COL4A3: variants seen among roughly 807,000 people sequenced by gnomAD.
COL4A3 encodes the protein collagen type IV alpha 3 chain, also known as collagen alpha-3(IV) chain.
Under a neutral mutation model 217.4 loss-of-function variants are expected in COL4A3, and 135 were observed. That is an observed-to-expected ratio of 0.62 (90% CI 0.54 to 0.72). The LOEUF is 0.72. Ranked by LOEUF, COL4A3 falls within the 30% of genes least tolerant of loss-of-function variation. The pLI, the probability that COL4A3 is intolerant of heterozygous loss-of-function variation, is 0.00. For missense variants in COL4A3, 1,868 were observed against 2,119.9 expected (o/e 0.88, Z 2.33); for synonymous variants, 690 against 736.3 (o/e 0.94, Z 1.02).
intron 37 of COL4A3, among the ~76,000 whole-genome samples, chr2:227,291,345 C>T (rs1360195204): frequency 2.6e-5 from 4 of 151,886 alleles, no homozygotes; most frequent in Admixed American, 6.6e-5. Context: ...GGGCGGATCA[C>T]GAGGTCAGGA....
In COL4A3 at chr2:227,282,297, T is replaced by TAC. The variant is rs1248731903; in HGVS notation, c.2489-67_2489-66insCA. On this transcript the variant is annotated intron_variant, in intron 31 of 51. Transcript: ENST00000396578. This position sits in a 1 kb window ranked among gnomAD's most constrained non-coding sequence, Gnocchi z 4.4. ...AAAAATATATATATATATATATATA[T>TAC]ATATTTCTGAAGTTAGTAGGGGAAA... The TAC allele has an allele frequency of 2.5e-6, 2 of 791,920 alleles. No individual in the cohort carries two copies. The highest frequency in any genetic ancestry group is 3.7e-5 in the African/African-American group (2 of 53,494). The allele number at this position is 791,920 out of a possible 1,614,324, so 49.1% of individuals were successfully genotyped here.
chr2:227,192,104 C>G (rs72975949), intron 1 of COL4A3, among the ~76,000 whole-genome samples: 1 of 152,308 alleles, frequency 6.6e-6, no homozygotes, highest in African/African-American at 2.4e-5. Context: ...TTTTATCTCT[C>G]TTTGCTTTTG....
chr2:227,190,943 A>G (rs1181659349), intron 1 of COL4A3, among the ~76,000 whole-genome samples: 1 of 152,240 alleles, frequency 6.6e-6, no homozygotes, highest in Non-Finnish European at 1.5e-5. Context: ...TTAAAAGGAA[A>G]AAAGCAAATC....
At position 227,297,726 on chromosome 2, in the gene COL4A3, A is replaced by C. The variant is rs2073093182; in HGVS notation, c.3618A>C (p.Lys1206Asn). The change falls in exon 42 of 52, where the codon AAA (lysine) becomes AAC (asparagine). Residue 1206 changes from lysine (K) to asparagine (N), a missense_variant. Lys to Asn is a moderately conservative substitution (Grantham distance 94). Around this residue, in one of 2 missense-constraint regions of COL4A3, gnomAD observed 1,503 missense variants for 1,786.1 expected, o/e 0.84. Transcript: ENST00000396578. ...APGFPGLPGR[K>N]GAMGDAGPRG... ...GTTTTCCTGGCCTCCCGGGCAGAAA[A>C]GGGGCCATGGGAGATGCTGGACCTC... 6.2e-7 allele frequency: 1 copy of C among 1,607,984 alleles called. No individual in the cohort carries two copies.
At chr2:227,188,442 C>G (rs2066112157) in intron 1 of COL4A3, among the ~76,000 whole-genome samples, 1 of 150,856 alleles carries the variant, frequency 6.6e-6, no homozygotes, top group Non-Finnish European at 1.5e-5. Context: ...AATACTTTTA[C>G]ATAACCCAGG....
intron 1 of COL4A3, chr2:227,237,751 C>T (rs1051667102): frequency 1.8e-4 from 85 of 460,882 alleles, no homozygotes; most frequent in Middle Eastern, 1.4e-3. Flanking sequence ...TATTCTTATC[C>T]GACATTTCTC....
In COL4A3 at chr2:227,240,213, C is replaced by G; in HGVS notation, c.215C>G (p.Pro72Arg). ...GGATTCACAGGTCCTGAAGGCTTGC[C>G]TGGACCGCAGGGACCCAAGGTATGT... ...QKGFTGPEGL[P>R]GPQGPKGFPG... Residue 72 changes from proline (P) to arginine (R), a missense_variant, in exon 3 of 52, where the codon CCT becomes CGT. Pro to Arg is a moderately radical substitution (Grantham distance 103). Coordinates refer to ENST00000396578, the MANE Select transcript of COL4A3 (RefSeq NM_000091.5). 1 of 1,611,092 alleles carries G rather than the reference C, an allele frequency of 6.2e-7. No individual in the cohort carries two copies. Among genetic ancestry groups the G allele is most frequent in the Non-Finnish European group, 8.5e-7 (1 of 1,178,862 alleles).
rs573135458 is a variant in COL4A3, at chr2:227,312,157, G to A, written c.*287G>A. ...CTTACATCCAAGGCACTGTCACTAC[G>A]GTGATTGTATGAAGTTTGAATGCTG... On this transcript the variant is annotated 3_prime_UTR_variant, in exon 52 of 52. Transcript: ENST00000396578. 4.2e-5 allele frequency: 16 copies of A among 378,280 alleles called. No individual in the cohort carries two copies. The highest frequency in any genetic ancestry group is 1.2e-4 in the East Asian group (2 of 16,748). The allele number at this position is 378,280 out of a possible 1,614,324, so 23.4% of individuals were successfully genotyped here.
In COL4A3 at chr2:227,245,744, C is replaced by T. The variant is rs1005723449; in HGVS notation, c.325-210C>T. On this transcript the variant is annotated intron_variant, in intron 5 of 51. Transcript: ENST00000396578. ...AGGCGTTTGCTTTATTTGAAATATC[C>T]ACATCTCATTTGATAAGTCTTCATA... 6 of 612,402 alleles carry T rather than the reference C, an allele frequency of 9.8e-6. No individual in the cohort carries two copies. The African/African-American group carries it at 1.1e-4, about 11-fold the overall frequency. 37.9% of individuals were successfully genotyped at this position (612,402 alleles called of 1,614,324 possible).
chr2:227,228,171 A>T (rs1196242392), intron 1 of COL4A3, among the ~76,000 whole-genome samples: 4 of 152,194 alleles, frequency 2.6e-5, no homozygotes, highest in Non-Finnish European at 4.4e-5. Flanking sequence ...TGGCAGCTGC[A>T]GTGAGATTTC....
chr2:227,205,319 A>G (rs1442165997), intron 1 of COL4A3, among the ~76,000 whole-genome samples: 1 of 152,186 alleles, frequency 6.6e-6, no homozygotes, highest in Admixed American at 6.5e-5. Flanking sequence ...TAGTGTATAT[A>G]CGATATTCTA....
chr2:227,226,328 A>G (rs890333371), intron 1 of COL4A3, among the ~76,000 whole-genome samples: 3 of 152,192 alleles, frequency 2.0e-5, no homozygotes, highest in African/African-American at 7.2e-5. Flanking sequence ...TCTGGACAGA[A>G]GCACAGTGGG....
chr2:227,240,095 G>A, intron 2 of COL4A3, 48 bp from the exon 3 acceptor site: 1 of 1,410,318 alleles, frequency 7.1e-7, no homozygotes, highest in Non-Finnish European at 9.9e-7. Context: ...GTTTATTGTG[G>A]GATAGTTGCT....
At chr2:227,270,681 T>G in intron 24 of COL4A3, 89 bp from the exon 25 acceptor site, 1 of 1,308,750 alleles carries the variant, frequency 7.6e-7, no homozygotes, top group Non-Finnish European at 1.1e-6. Context: ...ATGTTAAAAT[T>G]GAAAAGTTCT....
chr2:227,306,913 T>C (rs1574838414), intron 47 of COL4A3, among the ~76,000 whole-genome samples: 1 of 151,200 alleles, frequency 6.6e-6, no homozygotes, highest in East Asian at 2.0e-4. Flanking sequence ...TGGATGGGAG[T>C]GAGGAAGTGG....
chr2:227,219,442 C>T (rs77314622), intron 1 of COL4A3, among the ~76,000 whole-genome samples: 4,839 of 152,254 alleles, frequency 0.032, 175 homozygotes, highest in Admixed American at 0.12. Context: ...TTTGCAGAGC[C>T]AATCCCAAAG....
chr2:227,213,118 A>C (rs1395290625), intron 1 of COL4A3, among the ~76,000 whole-genome samples: 1 of 152,222 alleles, frequency 6.6e-6, no homozygotes. Context: ...AGGCAAATCA[A>C]GGTCACAGTG....
At position 227,270,795 on chromosome 2, in the gene COL4A3, C is replaced by T; in HGVS notation, c.1601C>T (p.Pro534Leu). 6.2e-7 allele frequency: 1 copy of T among 1,614,068 alleles called. No individual in the cohort carries two copies. The change falls in exon 25 of 52, where the codon CCA becomes CTA. Residue 534 changes from proline (P) to leucine (L), a missense_variant. By Grantham distance (98) the Pro-to-Leu change is moderately conservative. Around this residue, in one of 2 missense-constraint regions of COL4A3, gnomAD observed 1,503 missense variants for 1,786.1 expected, o/e 0.84. Coordinates refer to ENST00000396578, the MANE Select transcript of COL4A3 (RefSeq NM_000091.5). ...FPGFPGAQGD[P>L]GLKGEKGETL... The stretch of plus-strand genomic sequence containing the variant: ...GGTTTCCCAGGTGCCCAGGGTGACC[C>T]AGGACTTAAAGGAGAAAAAGGTGAA...
At chr2:227,221,932 C>T (rs913529940) in intron 1 of COL4A3, among the ~76,000 whole-genome samples, 2 of 151,616 alleles carry the variant, frequency 1.3e-5, no homozygotes, top group African/African-American at 4.8e-5. Context: ...GGTGAGAAAG[C>T]GTCCCATCCT....
Sources: allele counts gnomAD v4.1 joint callset (sites outside exome capture counted in the v4.1 genomes callset), GRCh38; gene constraint gnomAD v4.1.1; regional missense constraint gnomAD v4.1.1; non-coding constraint Gnocchi (gnomAD v3.1); transcripts MANE v1.5; gene names NCBI Gene and HGNC (gene_info 2026-07-23, HGNC 2026-07-21).